The following TLK1 variants were observed in gnomAD, a reference collection of about 807,000 sequenced individuals.
TLK1 encodes serine/threonine-protein kinase tousled-like 1.
In TLK1, 24 loss-of-function variants were observed where a neutral mutation model predicts 105.3. The observed-to-expected ratio is 0.23, with a 90% CI of 0.17 to 0.32. The LOEUF (loss-of-function observed/expected upper bound fraction) is 0.32. TLK1 is among the 10% of genes least tolerant of loss of function. The pLI is 1.00. For missense variants in TLK1, 558 were observed against 910.5 expected (o/e 0.61, Z 4.98); for synonymous variants, 321 against 310.4 (o/e 1.03, Z -0.36).
intron 3 of TLK1, among the ~76,000 whole-genome samples, chr2:171,078,837 T>C (rs1426496020): frequency 6.6e-6 from 1 of 152,258 alleles, no homozygotes; most frequent in Admixed American, 6.5e-5. Context: ...TTAAGTGATC[T>C]TCCTAACTTG....
intron 1 of TLK1, among the ~76,000 whole-genome samples, chr2:171,158,993 C>A (rs1575638526): frequency 6.6e-6 from 1 of 152,360 alleles, no homozygotes; most frequent in Middle Eastern, 3.4e-3. Flanking sequence ...TTGTCACTTT[C>A]ACACATGCTC....
intron 10 of TLK1, 28 bp downstream of exon 10, chr2:171,049,786 A>C (rs773792210): frequency 1.9e-6 from 3 of 1,610,710 alleles, no homozygotes; most frequent in Non-Finnish European, 2.5e-6. Context: ...CGAATACTAA[A>C]AACTTTTAAA....
chr2:171,066,674 A>C (rs1688011464), intron 3 of TLK1, among the ~76,000 whole-genome samples: 1 of 152,214 alleles, frequency 6.6e-6, no homozygotes, highest in Non-Finnish European at 1.5e-5. Context: ...GAGTATACTA[A>C]GTTTTTAATA....
chr2:171,084,208 A>G (rs904213649), intron 2 of TLK1, among the ~76,000 whole-genome samples: 2 of 152,178 alleles, frequency 1.3e-5, no homozygotes, highest in Non-Finnish European at 2.9e-5. Flanking sequence ...AAAACAGCCA[A>G]CAAGTTAGGT....
intron 12 of TLK1, among the ~76,000 whole-genome samples, chr2:171,027,814 A>G (rs543641249): frequency 2.0e-5 from 3 of 152,332 alleles, no homozygotes; most frequent in Non-Finnish European, 4.4e-5. Flanking sequence ...CACCATCTCA[A>G]GATTTTTAAG....
intron 1 of TLK1, among the ~76,000 whole-genome samples, chr2:171,199,555 G>T (rs906026175): frequency 2.6e-5 from 4 of 151,896 alleles, no homozygotes; most frequent in Admixed American, 2.6e-4. Flanking sequence ...TGCAGAGTCT[G>T]TCTGAGCCTC....
At chr2:171,053,988 G>C (rs1397891942) in intron 7 of TLK1, 135 bp from the exon 8 acceptor site, 7 of 621,854 alleles carry the variant, frequency 1.1e-5, no homozygotes, top group Non-Finnish European at 1.5e-5. Flanking sequence ...ATCTCAAAAA[G>C]TTTTAGTGCA....
intron 20 of TLK1, 65 bp downstream of exon 20, chr2:170,996,588 T>C: frequency 7.3e-7 from 1 of 1,365,172 alleles, no homozygotes; most frequent in Middle Eastern, 1.9e-4. Flanking sequence ...AGTACTTACC[T>C]TGTTGTCAGC....
At chr2:171,153,909 T>C (rs1692137410) in intron 1 of TLK1, 1 of 152,272 alleles carries the variant, frequency 6.6e-6, no homozygotes, top group Admixed American at 6.5e-5. Context: ...TTTTTCTTTT[T>C]TGAGACAGGG....
chr2:171,030,087 C>T (rs1304703610), intron 11 of TLK1, among the ~76,000 whole-genome samples: 2 of 152,178 alleles, frequency 1.3e-5, no homozygotes, highest in Non-Finnish European at 2.9e-5. Context: ...CTATCATATT[C>T]AAGCCCTTGT....
intron 3 of TLK1, among the ~76,000 whole-genome samples, chr2:171,062,765 G>T (rs978458408): frequency 2.0e-4 from 31 of 152,092 alleles, no homozygotes; most frequent in Non-Finnish European, 4.4e-4. Flanking sequence ...CTAACTAAAT[G>T]AATCTACTAT....
intron 20 of TLK1, 34 bp from the exon 21 acceptor site, chr2:170,993,990 G>C (rs1038872268): frequency 5.2e-6 from 8 of 1,547,330 alleles, no homozygotes; most frequent in East Asian, 2.4e-5. Context: ...AGCAATTAAT[G>C]ATCTTTTTCC....
chr2:171,074,703 A>G lies in TLK1; in HGVS notation c.330+8078T>C, dbSNP rs536980863. Reference sequence around the variant, plus strand: ...AAAAATAGTAAGATTTCTGGTAAGAACAAAGTGAGAACATACTAGCAGGAA... The same window carrying G: ...AAAAATAGTAAGATTTCTGGTAAGAGCAAAGTGAGAACATACTAGCAGGAA... On this transcript the variant is annotated intron_variant, in intron 3 of 20. Coordinates refer to ENST00000431350, the MANE Select transcript of TLK1 (RefSeq NM_012290.5). Among the ~76,000 whole-genome samples the G allele has an allele frequency of 2.6e-5, 4 of 152,250 alleles. No homozygotes were observed. In the East Asian group the frequency reaches 7.7e-4, roughly 29 times the overall value.
chr2:171,227,034 G>GT (rs1398648075), intron 1 of TLK1, among the ~76,000 whole-genome samples: 2 of 152,170 alleles, frequency 1.3e-5, no homozygotes, highest in Non-Finnish European at 2.9e-5. Flanking sequence ...TAGTCATTTT[G>GT]TTTTAACTTT....
chr2:171,165,808 G>A (rs1247897589), upstream of TLK1, among the ~76,000 whole-genome samples: 1 of 152,202 alleles, frequency 6.6e-6, no homozygotes, highest in Non-Finnish European at 1.5e-5. Context: ...CTACTCAGGA[G>A]GCTGAGGCAG....
chr2:171,198,927 T>C (rs1008324519), intron 1 of TLK1, among the ~76,000 whole-genome samples: 3 of 152,232 alleles, frequency 2.0e-5, no homozygotes, highest in African/African-American at 7.2e-5. Flanking sequence ...AGCATGACTT[T>C]GACATCACCA....
intron 2 of TLK1, among the ~76,000 whole-genome samples, chr2:171,111,539 C>G (rs1357795202): frequency 2.7e-5 from 4 of 148,748 alleles, no homozygotes; most frequent in African/African-American, 1.0e-4. Context: ...GAGCCGAGAT[C>G]ACACCCCTGC....
rs1683854416 is a variant in TLK1 at position 170,993,092 on chromosome 2, T to C, written c.*688A>G. ...CTGATTTCAACACAAGCAGCTCATT[T>C]TGTCAAAGGTGTAAAGTATTTAGAA... On this transcript the variant is annotated 3_prime_UTR_variant, in exon 21 of 21. Coordinates refer to ENST00000431350, the MANE Select transcript of TLK1 (RefSeq NM_012290.5). 6.6e-6 allele frequency: 1 copy of C among 152,666 alleles called. No individual in the cohort carries two copies. Among genetic ancestry groups the C allele is most frequent in the Non-Finnish European group, 1.5e-5 (1 of 68,044 alleles). The allele number at this position is 152,666 out of a possible 1,614,324, so 9.5% of individuals were successfully genotyped here. A position where few individuals can be genotyped will look rare whatever the true frequency, so the allele number is the denominator to read the frequency against.
At chr2:171,052,144 T>C (rs938929153) in intron 8 of TLK1, among the ~76,000 whole-genome samples, 30 of 151,982 alleles carry the variant, frequency 2.0e-4, no homozygotes, top group Non-Finnish European at 8.8e-5. Flanking sequence ...CCTGTAGTCC[T>C]AGCTACTTGG....
Sources: gnomAD v4.1 joint callset for allele counts (sites outside exome capture counted in the v4.1 genomes callset) on GRCh38, gnomAD v4.1.1 for gene constraint, MANE v1.5 for transcripts, NCBI Gene and HGNC (gene_info 2026-07-23, HGNC 2026-07-21) for gene names.